Variants in FRAS1 observed in about 807,000 individuals in gnomAD.
The protein encoded by FRAS1 is Fraser extracellular matrix complex subunit 1.
Under a neutral mutation model 435.2 loss-of-function variants are expected in FRAS1, and 290 were observed. The ratio of observed to expected loss-of-function variants is 0.67; its 90% CI spans 0.61 to 0.73. FRAS1 has a LOEUF of 0.73. Ranked by LOEUF, FRAS1 falls within the 30% of genes least tolerant of loss-of-function variation. The probability of loss-of-function intolerance (pLI) is 0.00; values close to 1 mark genes in which losing one functional copy is unlikely to be tolerated. For synonymous variants in FRAS1, 1,800 were observed against 1,851.0 expected (o/e 0.97, Z 0.71); for missense variants, 4,860 against 5,001.5 (o/e 0.97, Z 0.85).
chr4:78,343,748 C>A (rs1030092705), intron 20 of FRAS1, among the ~76,000 whole-genome samples: 1 of 152,120 alleles, frequency 6.6e-6, no homozygotes, highest in African/African-American at 2.4e-5. Context: ...GGGGAAAACC[C>A]AGTTTAAGTT....
intron 30 of FRAS1, among the ~76,000 whole-genome samples, chr4:78,404,660 C>G (rs1188480581): frequency 1.3e-5 from 2 of 152,190 alleles, no homozygotes; most frequent in Non-Finnish European, 2.9e-5. Context: ...TTCACAGAAA[C>G]CTTTGTCAAG....
chr4:78,513,261 T>C, intron 64 of FRAS1, 131 bp from the exon 65 acceptor site: 1 of 803,310 alleles, frequency 1.2e-6, no homozygotes, highest in African/African-American at 1.7e-5. Context: ...AAATCCTACC[T>C]GGAAAGCTTC....
chr4:78,448,760 G>T (rs1718933058), intron 44 of FRAS1, among the ~76,000 whole-genome samples: 1 of 152,160 alleles, frequency 6.6e-6, no homozygotes, highest in Admixed American at 6.5e-5. Context: ...CATTAAAAGT[G>T]ATTATACAAA....
At chr4:78,397,671 A>G (rs189375617) in intron 29 of FRAS1, among the ~76,000 whole-genome samples, 171 of 152,308 alleles carry the variant, frequency 1.1e-3, no homozygotes, top group Non-Finnish European at 2.2e-3. Flanking sequence ...GATCCACACA[A>G]TGGTTACTGT....
intron 10 of FRAS1, among the ~76,000 whole-genome samples, chr4:78,278,956 A>T (rs1253167618): frequency 6.6e-6 from 1 of 152,190 alleles, no homozygotes; most frequent in East Asian, 1.9e-4. Flanking sequence ...GTATAGGGAC[A>T]CAGAAAACAC....
At chr4:78,213,126 T>C (rs553961763) in intron 2 of FRAS1, among the ~76,000 whole-genome samples, 1 of 152,298 alleles carries the variant, frequency 6.6e-6, no homozygotes, top group East Asian at 1.9e-4. Context: ...TCCTGGCAGC[T>C]GGGAGAAGAA....
chr4:78,505,017 G>C (rs1007759962), intron 61 of FRAS1, among the ~76,000 whole-genome samples: 1 of 152,164 alleles, frequency 6.6e-6, no homozygotes, highest in African/African-American at 2.4e-5. Flanking sequence ...ATTCTGGTTT[G>C]AAAAATTCTT....
intron 50 of FRAS1, among the ~76,000 whole-genome samples, chr4:78,467,707 C>T (rs961045932): frequency 6.6e-6 from 1 of 152,114 alleles, no homozygotes; most frequent in African/African-American, 2.4e-5. Context: ...ATGAGGGTTC[C>T]CTTTTCTCCA....
chr4:78,420,103 A>T (rs1733712729), intron 33 of FRAS1, among the ~76,000 whole-genome samples: 1 of 152,144 alleles, frequency 6.6e-6, no homozygotes, highest in East Asian at 1.9e-4. Flanking sequence ...CAGAAAGAAG[A>T]TCAGGTTCTA....
At chr4:78,087,268 C>T (rs922402695) in intron 2 of FRAS1, among the ~76,000 whole-genome samples, 9 of 150,678 alleles carry the variant, frequency 6.0e-5, no homozygotes, top group East Asian at 2.0e-4. Context: ...ATTGATGGAG[C>T]GTATCTCAAA....
chr4:78,118,714 TG>T (rs1239657809), intron 2 of FRAS1, among the ~76,000 whole-genome samples: 1 of 152,188 alleles, frequency 6.6e-6, no homozygotes, highest in Non-Finnish European at 1.5e-5. Context: ...AGGTGCTGTC[TG>T]TCAACCCTTT....
In FRAS1 at chr4:78,164,193, G is replaced by A. The variant is rs77760242; in HGVS notation, c.109-73317G>A. Among the ~76,000 whole-genome samples the A allele has an allele frequency of 5.9e-5, 9 of 152,284 alleles. No individual in the cohort carries two copies. In the East Asian group the frequency reaches 9.6e-4, roughly 16 times the overall value. ...TATTAGGCAGAAATGGGGTCCAACCGTAGGCAGGAAGGGAACCGTTTGTGT... is the reference window on the plus strand; with the variant it reads ...TATTAGGCAGAAATGGGGTCCAACCATAGGCAGGAAGGGAACCGTTTGTGT... On this transcript the variant is annotated intron_variant, in intron 2 of 73. Transcript: ENST00000512123.
chr4:78,360,596 T>C (rs375726), intron 20 of FRAS1, among the ~76,000 whole-genome samples: 98,569 of 151,982 alleles, frequency 0.65, 32,558 homozygotes, highest in African/African-American at 0.68. Context: ...CGTTTTGAGG[T>C]GAAAGGAATG....
At chr4:78,114,008 A>G (rs1172089797) in intron 2 of FRAS1, among the ~76,000 whole-genome samples, 1 of 152,144 alleles carries the variant, frequency 6.6e-6, no homozygotes, top group African/African-American at 2.4e-5. Flanking sequence ...TTTTTGTATA[A>G]GGTGTAAGGA....
At chr4:78,534,723 A>G (rs999748239) in intron 71 of FRAS1, 108 bp downstream of exon 71, 27 of 1,012,860 alleles carry the variant, frequency 2.7e-5, no homozygotes, top group Non-Finnish European at 3.6e-5. Context: ...TCACCACCCC[A>G]GTAAAGATCC....
intron 18 of FRAS1, chr4:78,319,599 G>A (rs1729418799): frequency 3.3e-6 from 1 of 305,898 alleles, no homozygotes; most frequent in Non-Finnish European, 6.6e-6. Context: ...TCATTAGTTT[G>A]TATTTTTCAT....
At chr4:78,095,415 T>C (rs1254157078) in intron 2 of FRAS1, among the ~76,000 whole-genome samples, 1 of 152,252 alleles carries the variant, frequency 6.6e-6, no homozygotes, top group East Asian at 1.9e-4. Context: ...AATCTCACTA[T>C]TATGTTATCT....
chr4:78,400,880 CCA>C lies in FRAS1; in HGVS notation c.4123_4124del (p.Gln1375ValfsTer18). 6.2e-7 allele frequency: 1 copy of C among 1,613,412 alleles called. No homozygotes were observed. The highest frequency in any genetic ancestry group is 8.5e-7 in the Non-Finnish European group (1 of 1,179,672). On this transcript the variant is annotated frameshift_variant, in exon 30 of 74. Coordinates refer to ENST00000512123, the MANE Select transcript of FRAS1 (RefSeq NM_025074.7). LOFTEE classifies it high-confidence loss of function. ...TCTACAAGATTACACAAGACTACCC[CCA>C]GTTTGGTAACTATTTTTTCCTTTGG... ...IIYKITQDYPQFGEVVLLVNM... is the reference protein window; with the variant it reads ...IIYKITQDYPXFGEVVLLVNM...
chr4:78,308,109 G>T lies in FRAS1; in HGVS notation c.1578G>T (p.Lys526Asn), dbSNP rs1275054722. The change falls in exon 15 of 74, where the codon AAG becomes AAT. Residue 526 changes from lysine to asparagine, a missense_variant. Coordinates refer to ENST00000512123, the MANE Select transcript of FRAS1 (RefSeq NM_025074.7). Reference protein sequence around the residue: ...SCAGCWGPTEKHCLACRDPLH... With the variant: ...SCAGCWGPTENHCLACRDPLH... ...CAGGTTGCTGGGGCCCAACGGAGAAGCACTGCTTGGCCTGCAGAGATCCCC... is the reference window on the plus strand; with the variant it reads ...CAGGTTGCTGGGGCCCAACGGAGAATCACTGCTTGGCCTGCAGAGATCCCC... The T allele has an allele frequency of 6.2e-7, 1 of 1,613,854 alleles. No individual in the cohort carries two copies. The highest frequency in any genetic ancestry group is 1.1e-5 in the South Asian group (1 of 91,048).
Sources: gnomAD v4.1 joint callset for allele counts (sites outside exome capture counted in the v4.1 genomes callset) on GRCh38, gnomAD v4.1.1 for gene constraint, MANE v1.5 for transcripts, NCBI Gene and HGNC (gene_info 2026-07-23, HGNC 2026-07-21) for gene names.